Variants in DNAJC15 observed in about 807,000 individuals in gnomAD.
DNAJC15 encodes the protein DnaJ heat shock protein family (Hsp40) member C15, also known as dnaJ homolog subfamily C member 15.
Under a neutral mutation model 22.4 loss-of-function variants are expected in DNAJC15, and 27 were observed. That is an observed-to-expected ratio of 1.20 (90% CI 0.89 to 1.66). The LOEUF is 1.66. Among genes scored for constraint, DNAJC15 ranks in the 40% most tolerant of loss-of-function variants. The pLI, the probability that DNAJC15 is intolerant of heterozygous loss-of-function variation, is 0.00. For missense variants in DNAJC15, 208 were observed against 187.1 expected, an observed-to-expected ratio of 1.11 and a Z score of -0.65; for synonymous variants, 79 against 63.2, an observed-to-expected ratio of 1.25 and a Z score of -1.19.
Position 43,111,636 on chromosome 13 carries a change from G to A in DNAJC15, c.*4388G>A, listed in dbSNP as rs1203403812. Reference sequence around the variant, plus strand: ...TCTTGAGTCAACCAACTTAAGATGAGCTACGGAGACTGCAGTGAAAAGTTA... The same window carrying A: ...TCTTGAGTCAACCAACTTAAGATGAACTACGGAGACTGCAGTGAAAAGTTA... On this transcript the variant is annotated 3_prime_UTR_variant, in exon 6 of 6. Coordinates refer to ENST00000379221, the MANE Select transcript of DNAJC15 (RefSeq NM_013238.3). 2 of 152,164 alleles carry A rather than the reference G, an allele frequency of 1.3e-5. No homozygotes were observed. Among genetic ancestry groups the A allele is most frequent in the Admixed American group, 6.5e-5 (1 of 15,284 alleles). The allele number at this position is 152,164 out of a possible 1,614,324, so 9.4% of individuals were successfully genotyped here. A position where few individuals can be genotyped will look rare whatever the true frequency, so the allele number is the denominator to read the frequency against.
rs552831326 is a variant in DNAJC15, at chr13:43,075,552, T to C, written c.235-3060T>C. On this transcript the variant is annotated intron_variant, in intron 3 of 5. Transcript: ENST00000379221. ...AGTAGGAGCAAATATTTGGTGATAC[T>C]TCTGTTTTGTTATGACTAAATCAAC... 8.5e-5 allele frequency among the ~76,000 whole-genome samples: 13 copies of C among 152,342 alleles called. No individual in the cohort carries two copies. In the South Asian group the frequency reaches 2.7e-3, roughly 32 times the overall value.
chr13:43,079,328 C>T (rs2040650763), intron 4 of DNAJC15, among the ~76,000 whole-genome samples: 1 of 152,080 alleles, frequency 6.6e-6, no homozygotes, highest in African/African-American at 2.4e-5. Context: ...ATAATCAACA[C>T]AATTAAGCAA....
chr13:43,103,510 G>A (rs949060716), intron 5 of DNAJC15, among the ~76,000 whole-genome samples: 7 of 152,100 alleles, frequency 4.6e-5, no homozygotes, highest in Admixed American at 1.3e-4. Flanking sequence ...AAATAGCACC[G>A]TTTATTGTTA....
intron 1 of DNAJC15, among the ~76,000 whole-genome samples, chr13:43,038,801 G>GAAAAAAAAAAAA (rs562632739): frequency 1.9e-5 from 2 of 107,302 alleles, no homozygotes; most frequent in Admixed American, 9.4e-5. Context: ...CAAAAAATAG[G>GAAAAAAAAAAAA]AAAAAAAAAA....
intron 4 of DNAJC15, among the ~76,000 whole-genome samples, chr13:43,084,390 A>G (rs2040677630): frequency 1.3e-5 from 2 of 152,306 alleles, no homozygotes; most frequent in South Asian, 4.2e-4. Flanking sequence ...TATGCTACGT[A>G]TGAGAAAATT....
At chr13:43,042,077 G>T (rs938933415) in intron 1 of DNAJC15, among the ~76,000 whole-genome samples, 2 of 152,104 alleles carry the variant, frequency 1.3e-5, no homozygotes, top group African/African-American at 2.4e-5. Flanking sequence ...TTATCTGTGG[G>T]TTCTGTGTTC....
intron 3 of DNAJC15, among the ~76,000 whole-genome samples, chr13:43,070,227 C>A (rs368144046): frequency 8.6e-5 from 13 of 152,038 alleles, no homozygotes; most frequent in African/African-American, 3.1e-4. Context: ...TTCAAAAAAA[C>A]AGCAAGTGAT....
intron 5 of DNAJC15, among the ~76,000 whole-genome samples, chr13:43,087,473 A>C (rs971440706): frequency 1.3e-5 from 2 of 152,218 alleles, no homozygotes; most frequent in Admixed American, 1.3e-4. Context: ...AACAGATTTT[A>C]AACAAAAATG....
chr13:43,069,464 C>T (rs147344914), intron 3 of DNAJC15, among the ~76,000 whole-genome samples: 85 of 152,216 alleles, frequency 5.6e-4, no homozygotes, highest in African/African-American at 1.9e-3. Flanking sequence ...CCATCTCAAA[C>T]ATAAAATTAT....
chr13:43,081,315 A>T (rs2040660337), intron 4 of DNAJC15, among the ~76,000 whole-genome samples: 1 of 152,212 alleles, frequency 6.6e-6, no homozygotes, highest in African/African-American at 2.4e-5. Flanking sequence ...CCAATTTTTT[A>T]AATCAATGAA....
chr13:43,071,870 A>G (rs973167211), intron 3 of DNAJC15, among the ~76,000 whole-genome samples: 15 of 152,264 alleles, frequency 9.9e-5, no homozygotes, highest in Admixed American at 9.2e-4. Context: ...TCTTGCTGAA[A>G]TAGTGCCTTG....
intron 5 of DNAJC15, among the ~76,000 whole-genome samples, chr13:43,086,285 G>A (rs1428441673): frequency 1.3e-5 from 2 of 152,188 alleles, no homozygotes; most frequent in East Asian, 3.8e-4. Context: ...AGGCTCTGAG[G>A]CTGAGCCATT....
intron 5 of DNAJC15, among the ~76,000 whole-genome samples, chr13:43,103,881 T>A (rs1331276203): frequency 6.6e-6 from 1 of 152,206 alleles, no homozygotes; most frequent in Non-Finnish European, 1.5e-5. Flanking sequence ...TGTAACACTG[T>A]GAAATTGGCT....
intron 1 of DNAJC15, among the ~76,000 whole-genome samples, chr13:43,036,642 A>G (rs916423736): frequency 1.3e-5 from 2 of 152,214 alleles, no homozygotes; most frequent in East Asian, 3.9e-4. Flanking sequence ...CCTGCCCAGG[A>G]AACTTTCAAC....
At chr13:43,092,912 T>G (rs546236746) in intron 5 of DNAJC15, among the ~76,000 whole-genome samples, 1 of 152,320 alleles carries the variant, frequency 6.6e-6, no homozygotes, top group South Asian at 2.1e-4. Context: ...AGACCCTGTC[T>G]CAAAGAAAAC....
At chr13:43,052,444 TCTCA>T (rs1487389262) in intron 1 of DNAJC15, among the ~76,000 whole-genome samples, 1 of 150,842 alleles carries the variant, frequency 6.6e-6, no homozygotes. Flanking sequence ...TGAGACAGAG[TCTCA>T]CTCTTGTCAC....
chr13:43,032,871 G>T (rs2324995), intron 1 of DNAJC15, among the ~76,000 whole-genome samples: 1 of 152,024 alleles, frequency 6.6e-6, no homozygotes, highest in Non-Finnish European at 1.5e-5. Flanking sequence ...AAAGAAAAGA[G>T]GTTTAATTGG....
chr13:43,094,769 G>A (rs2040731613), intron 5 of DNAJC15, among the ~76,000 whole-genome samples: 1 of 152,122 alleles, frequency 6.6e-6, no homozygotes, highest in African/African-American at 2.4e-5. Context: ...TGTCTTAGCA[G>A]CTTGTGAGAC....
intron 2 of DNAJC15, among the ~76,000 whole-genome samples, chr13:43,067,123 A>T (rs1353237921): frequency 6.6e-6 from 1 of 152,218 alleles, no homozygotes; most frequent in Non-Finnish European, 1.5e-5. Context: ...TTTTAGGCAG[A>T]GCTGCATTCC....
Sources: allele counts gnomAD v4.1 joint callset (sites outside exome capture counted in the v4.1 genomes callset), GRCh38; gene constraint gnomAD v4.1.1; transcripts MANE v1.5; gene names NCBI Gene and HGNC (gene_info 2026-07-23, HGNC 2026-07-21).